COL25A1: variants seen among roughly 807,000 people sequenced by gnomAD.
COL25A1 encodes collagen type XXV alpha 1 chain, also known as collagen alpha-1(XXV) chain.
Under a neutral mutation model 128.4 loss-of-function variants are expected in COL25A1, and 103 were observed. That is an observed-to-expected ratio of 0.80 (90% CI 0.68 to 0.94). The LOEUF is 0.94. Ranked by LOEUF, COL25A1 falls within the 40% of genes least tolerant of loss-of-function variation. The probability of loss-of-function intolerance (pLI) is 0.00; values close to 1 mark genes in which losing one functional copy is unlikely to be tolerated. For missense variants in COL25A1, 745 were observed against 840.0 expected, an observed-to-expected ratio of 0.89 and a Z score of 1.40; for synonymous variants, 279 against 277.2, an observed-to-expected ratio of 1.01 and a Z score of -0.06.
intron 3 of COL25A1, among the ~76,000 whole-genome samples, chr4:109,072,235 A>T (rs981143900): frequency 2.0e-5 from 3 of 152,184 alleles, no homozygotes; most frequent in African/African-American, 7.2e-5. Context: ...TTGAGTCTCC[A>T]TACCTATGTC....
At chr4:109,005,673 A>G (rs1755896085) in intron 6 of COL25A1, among the ~76,000 whole-genome samples, 1 of 152,150 alleles carries the variant, frequency 6.6e-6, no homozygotes, top group South Asian at 2.1e-4. Flanking sequence ...AGTCTGAATG[A>G]CACGGTCATG....
At chr4:109,214,137 G>T (rs1777801045) in intron 3 of COL25A1, among the ~76,000 whole-genome samples, 1 of 151,878 alleles carries the variant, frequency 6.6e-6, no homozygotes, top group Non-Finnish European at 1.5e-5. Context: ...ATTATGAAAG[G>T]GAATAAAACT....
intron 32 of COL25A1, among the ~76,000 whole-genome samples, chr4:108,831,453 A>G (rs1733090267): frequency 6.6e-6 from 1 of 152,158 alleles, no homozygotes; most frequent in African/African-American, 2.4e-5. Context: ...TCTTTTTTTA[A>G]AGCAAATTAT....
At chr4:109,133,212 A>T (rs989473584) in intron 3 of COL25A1, among the ~76,000 whole-genome samples, 1 of 152,128 alleles carries the variant, frequency 6.6e-6, no homozygotes, top group Admixed American at 6.5e-5. Flanking sequence ...AAACATATTT[A>T]ACAATTTTAG....
At position 109,083,696 on chromosome 4, in the gene COL25A1, T is replaced by C. The variant is rs908085372; in HGVS notation, c.368-33517A>G. Among the ~76,000 whole-genome samples, 9 of 152,066 alleles carry C rather than the reference T, an allele frequency of 5.9e-5. No individual in the cohort carries two copies. In the East Asian group the frequency reaches 1.7e-3, roughly 29 times the overall value. On this transcript the variant is annotated intron_variant, in intron 3 of 37. Coordinates refer to ENST00000399132, the MANE Select transcript of COL25A1 (RefSeq NM_198721.4). ...CCAGGCTGGTCTCGAACTCCTGACC[T>C]TAGGTAATCCGCCCGCCTCAGCATC... is the stretch of plus-strand genomic sequence containing the variant.
intron 3 of COL25A1, among the ~76,000 whole-genome samples, chr4:109,292,664 A>G (rs371217756): frequency 2.9e-4 from 44 of 152,140 alleles, no homozygotes; most frequent in South Asian, 1.2e-3. Context: ...CGTAAGTGAC[A>G]CTGGTAGTAG....
At chr4:109,207,135 G>A (rs1777070270) in intron 3 of COL25A1, among the ~76,000 whole-genome samples, 1 of 152,120 alleles carries the variant, frequency 6.6e-6, no homozygotes, top group South Asian at 2.1e-4. Flanking sequence ...TTGTGCTGGG[G>A]TTAACTAACA....
chr4:109,135,312 A>G (rs1392707540), intron 3 of COL25A1, among the ~76,000 whole-genome samples: 1 of 152,180 alleles, frequency 6.6e-6, no homozygotes. Context: ...ATTATAATAT[A>G]TTAATTCTTT....
intron 3 of COL25A1, among the ~76,000 whole-genome samples, chr4:109,277,497 T>C (rs540460991): frequency 1.3e-5 from 2 of 152,170 alleles, no homozygotes. Context: ...ACAGATTTTT[T>C]AAAAATTTTC....
At chr4:108,914,725 C>T (rs537555844) in intron 13 of COL25A1, among the ~76,000 whole-genome samples, 89 of 144,518 alleles carry the variant, frequency 6.2e-4, no homozygotes, top group Non-Finnish European at 1.1e-3. Context: ...GGCATGATCA[C>T]GGCTCACTGT....
At chr4:109,084,465 T>C (rs1384764130) in intron 3 of COL25A1, among the ~76,000 whole-genome samples, 2 of 152,168 alleles carry the variant, frequency 1.3e-5, no homozygotes, top group Non-Finnish European at 2.9e-5. Flanking sequence ...AAGAACACAC[T>C]TTTCACTGCA....
intron 3 of COL25A1, among the ~76,000 whole-genome samples, chr4:109,112,597 A>C (rs1342385403): frequency 1.3e-5 from 2 of 152,112 alleles, no homozygotes; most frequent in Non-Finnish European, 2.9e-5. Flanking sequence ...TTTATATTAA[A>C]TGTTCAAGTA....
chr4:108,862,696 T>C lies in COL25A1; in HGVS notation c.1153-151A>G. On this transcript the variant is annotated intron_variant, in intron 21 of 37. Coordinates refer to ENST00000399132, the MANE Select transcript of COL25A1 (RefSeq NM_198721.4). ...ATATATGGCTCTACAGAATGTCGGT[T>C]ATTATAATACTAAACATAAGTATCA... The C allele has an allele frequency of 1.1e-5, 7 of 664,014 alleles. No individual in the cohort carries two copies. The South Asian group carries it at 1.3e-4, about 12-fold the overall frequency. The allele number at this position is 664,014 out of a possible 1,614,324, so 41.1% of individuals were successfully genotyped here. A position where few individuals can be genotyped will look rare whatever the true frequency, so the allele number is the denominator to read the frequency against.
intron 3 of COL25A1, among the ~76,000 whole-genome samples, chr4:109,075,346 G>A (rs534220357): frequency 3.5e-4 from 53 of 151,958 alleles, no homozygotes; most frequent in Non-Finnish European, 5.6e-4. Context: ...TTTAAAATTG[G>A]AAGTGTTTTA....
intron 3 of COL25A1, among the ~76,000 whole-genome samples, chr4:109,102,133 T>G (rs79612007): frequency 0.021 from 3,227 of 152,176 alleles, 74 homozygotes; most frequent in Middle Eastern, 0.11. Context: ...TCCACTAACT[T>G]CACAAAAACT....
intron 11 of COL25A1, among the ~76,000 whole-genome samples, chr4:108,934,342 G>C (rs369317987): frequency 6.6e-6 from 1 of 151,582 alleles, no homozygotes; most frequent in African/African-American, 2.4e-5. Flanking sequence ...TGGGGGGATG[G>C]GGGGCTGGGG....
At position 109,137,974 on chromosome 4, in the gene COL25A1, T is replaced by TTA. The variant is rs71594161; in HGVS notation, c.368-87797_368-87796dup. On this transcript the variant is annotated intron_variant, in intron 3 of 37. Transcript: ENST00000399132. ...GTAGGGAGAAAACAGAAATTTCATT[T>TTA]TATATATATATGTGTGTGTGTGTGT... Among the ~76,000 whole-genome samples, 172 of 145,590 alleles carry TTA rather than the reference T, an allele frequency of 1.2e-3. 3 individuals carry two copies. The highest frequency in any genetic ancestry group is 3.5e-3 in the Middle Eastern group (1 of 282).
At chr4:109,000,882 G>A (rs774507112) in intron 6 of COL25A1, among the ~76,000 whole-genome samples, 9 of 145,924 alleles carry the variant, frequency 6.2e-5, no homozygotes, top group Non-Finnish European at 1.4e-4. Context: ...AATACGAAGG[G>A]GTATCCTATT....
chr4:108,931,480 C>CTGTTGACTGTTGAG (rs1746732376), intron 11 of COL25A1, among the ~76,000 whole-genome samples: 2 of 152,184 alleles, frequency 1.3e-5, no homozygotes, highest in African/African-American at 4.8e-5. Context: ...GAGTCATCTA[C>CTGTTGACTGTTGAG]TCAGCTGTTG....
Sources: allele counts gnomAD v4.1 joint callset (sites outside exome capture counted in the v4.1 genomes callset), GRCh38; gene constraint gnomAD v4.1.1; transcripts MANE v1.5; gene names NCBI Gene and HGNC (gene_info 2026-07-23, HGNC 2026-07-21).